Variants in FSTL5 observed in about 807,000 individuals in gnomAD.
FSTL5 encodes follistatin like 5.
Under a neutral mutation model 89.1 loss-of-function variants are expected in FSTL5, and 62 were observed. That is an observed-to-expected ratio of 0.70 (90% confidence interval 0.57 to 0.86). The LOEUF (loss-of-function observed/expected upper bound fraction) is 0.86. FSTL5 is among the 40% of genes least tolerant of loss of function. The pLI, the probability that FSTL5 is intolerant of heterozygous loss-of-function variation, is 0.00. For synonymous variants in FSTL5, 383 were observed against 346.2 expected (o/e 1.11, Z -1.18); for missense variants, 1,057 against 1,001.6 (o/e 1.06, Z -0.75).
At chr4:161,422,005 T>C (rs1397327725) in intron 15 of FSTL5, among the ~76,000 whole-genome samples, 1 of 152,162 alleles carries the variant, frequency 6.6e-6, no homozygotes, top group Non-Finnish European at 1.5e-5. Context: ...TCTTTATATA[T>C]TCATATATTC....
chr4:161,499,891 T>C (rs1307747981), intron 12 of FSTL5, 125 bp downstream of exon 12: 7 of 643,384 alleles, frequency 1.1e-5, no homozygotes, highest in East Asian at 8.6e-5. Context: ...CCGAATATCA[T>C]GGGTTTCATA....
In FSTL5 at chr4:161,542,680, G is replaced by A; in HGVS notation, c.1029C>T (p.Ile343=). 6.8e-7 allele frequency: 1 copy of A among 1,469,986 alleles called. No homozygotes were observed. Among genetic ancestry groups the A allele is most frequent in the Middle Eastern group, 1.8e-4 (1 of 5,488 alleles). 91.1% of individuals were successfully genotyped at this position (1,469,986 alleles called of 1,614,324 possible). ...TAGCCTGACTCTCTGGATACACCCG[G>A]ATGACTGGAGGAACTAAAGGAAAAA... The part of the protein sequence containing the change: ...HIFQVNVPPV[I]RVYPESQARE... Residue 343 remains isoleucine, a synonymous_variant, in exon 9 of 16, where the codon ATC becomes ATT. Coordinates refer to ENST00000306100, the MANE Select transcript of FSTL5 (RefSeq NM_020116.5).
At chr4:161,771,187 C>A (rs1302152513) in intron 5 of FSTL5, among the ~76,000 whole-genome samples, 1 of 152,000 alleles carries the variant, frequency 6.6e-6, no homozygotes, top group Non-Finnish European at 1.5e-5. Context: ...GTAAGCATTA[C>A]AAAATATTTA....
chr4:161,501,287 T>C (rs1730287413), intron 11 of FSTL5, among the ~76,000 whole-genome samples: 1 of 152,088 alleles, frequency 6.6e-6, no homozygotes, highest in Admixed American at 6.6e-5. Context: ...GGGCTTTCCA[T>C]CTATTGAGAA....
chr4:161,691,802 T>C (rs1737952827), intron 6 of FSTL5, among the ~76,000 whole-genome samples: 1 of 152,142 alleles, frequency 6.6e-6, no homozygotes, highest in Non-Finnish European at 1.5e-5. Flanking sequence ...ATTCTCTTAT[T>C]TCCTTTGAGG....
chr4:161,654,420 AATG>A (rs1394548943), intron 7 of FSTL5, among the ~76,000 whole-genome samples: 3 of 152,122 alleles, frequency 2.0e-5, no homozygotes, highest in African/African-American at 7.2e-5. Context: ...GCAAATCCAC[AATG>A]ATGCTGTCAA....
intron 6 of FSTL5, among the ~76,000 whole-genome samples, chr4:161,675,576 A>C (rs2126702867): frequency 6.6e-6 from 1 of 151,746 alleles, no homozygotes; most frequent in African/African-American, 2.4e-5. Flanking sequence ...TTACTGTATT[A>C]TCATGAAAAC....
intron 4 of FSTL5, among the ~76,000 whole-genome samples, chr4:161,917,394 G>C (rs1412087696): frequency 6.6e-6 from 1 of 152,078 alleles, no homozygotes; most frequent in East Asian, 1.9e-4. Flanking sequence ...TATTTTTCCA[G>C]GACTTTTTAA....
chr4:161,535,308 G>GA (rs1384096899), intron 10 of FSTL5, among the ~76,000 whole-genome samples: 1 of 151,912 alleles, frequency 6.6e-6, no homozygotes, highest in Non-Finnish European at 1.5e-5. Flanking sequence ...TACAGAATGG[G>GA]AAAAAATATA....
chr4:161,411,695 C>T (rs1731598597), intron 15 of FSTL5, among the ~76,000 whole-genome samples: 1 of 152,050 alleles, frequency 6.6e-6, no homozygotes, highest in East Asian at 1.9e-4. Flanking sequence ...CTAGAAATAA[C>T]AAGTGCCATT....
At chr4:161,663,343 G>GC in intron 6 of FSTL5, among the ~76,000 whole-genome samples, 1 of 152,214 alleles carries the variant, frequency 6.6e-6, no homozygotes, top group East Asian at 1.9e-4. Flanking sequence ...ATCAAAACAA[G>GC]CTAGTTACTT....
intron 6 of FSTL5, among the ~76,000 whole-genome samples, chr4:161,689,766 TAGA>T (rs1334530352): frequency 6.6e-6 from 1 of 152,150 alleles, no homozygotes; most frequent in African/African-American, 2.4e-5. Context: ...TGTATAACTT[TAGA>T]AGAAGACTTT....
intron 8 of FSTL5, among the ~76,000 whole-genome samples, chr4:161,578,667 GCTTAC>G (rs1733320858): frequency 6.6e-6 from 1 of 151,806 alleles, no homozygotes; most frequent in African/African-American, 2.4e-5. Flanking sequence ...GCAAACCAAG[GCTTAC>G]CATATATAAA....
At chr4:162,026,304 C>CTTTTTTTTTTTCTTTTTTTTTTT (rs1737283573) in intron 3 of FSTL5, among the ~76,000 whole-genome samples, 4 of 79,472 alleles carry the variant, frequency 5.0e-5, no homozygotes, top group South Asian at 5.4e-4. Context: ...TATGTATTTT[C>CTTTTTTTTTTTCTTTTTTTTTTT]TTTTTTTTTT....
rs12643775 is a variant in FSTL5 at position 161,965,776 on chromosome 4, C to T, written c.161-45124G>A. Among the ~76,000 whole-genome samples the T allele has an allele frequency of 0.014, 2,116 of 152,104 alleles. 128 individuals are homozygous for T. In the East Asian group the frequency reaches 0.21, roughly 15 times the overall value. On this transcript the variant is annotated intron_variant, in intron 3 of 15. Coordinates refer to ENST00000306100, the MANE Select transcript of FSTL5 (RefSeq NM_020116.5). ...CTGAGGCACTTAATTGGTGAGAAGA[C>T]GGCAGGGATTGTCATTTTCTGTTAG...
intron 15 of FSTL5, among the ~76,000 whole-genome samples, chr4:161,441,409 A>G (rs1235111967): frequency 2.0e-5 from 3 of 152,152 alleles, no homozygotes; most frequent in African/African-American, 7.2e-5. Context: ...CAGTTTACAA[A>G]AAAAGCATTA....
chr4:162,109,929 A>G (rs1731370064), intron 2 of FSTL5, among the ~76,000 whole-genome samples: 1 of 152,088 alleles, frequency 6.6e-6, no homozygotes, highest in Non-Finnish European at 1.5e-5. Flanking sequence ...TGTTCTGAGA[A>G]CATTAAGAGT....
At chr4:161,811,089 T>C (rs1014490785) in intron 4 of FSTL5, among the ~76,000 whole-genome samples, 3 of 151,932 alleles carry the variant, frequency 2.0e-5, no homozygotes, top group African/African-American at 7.3e-5. Flanking sequence ...TGAACATAAA[T>C]AAATACAAAT....
At chr4:161,720,216 A>G (rs1410787777) in intron 6 of FSTL5, among the ~76,000 whole-genome samples, 1 of 150,826 alleles carries the variant, frequency 6.6e-6, no homozygotes, top group Non-Finnish European at 1.5e-5. Context: ...AAAAAAAAAA[A>G]AAAATCCAAT....
Sources: allele counts gnomAD v4.1 joint callset (sites outside exome capture counted in the v4.1 genomes callset), GRCh38; gene constraint gnomAD v4.1.1; transcripts MANE v1.5; gene names NCBI Gene and HGNC (gene_info 2026-07-23, HGNC 2026-07-21).